NEB: variants seen among roughly 807,000 people sequenced by gnomAD.
NEB encodes nemaline myopathy type 2.
In NEB, 512 loss-of-function variants were observed where a neutral mutation model predicts 952.2. That is an observed-to-expected ratio of 0.54 (90% CI 0.50 to 0.58). NEB has a LOEUF of 0.58. NEB is among the 20% of genes least tolerant of loss of function. NEB has a pLI of 0.00. For synonymous variants in NEB, 2,900 were observed against 3,149.8 expected (o/e 0.92, Z 2.66); for missense variants, 8,428 against 9,231.1 (o/e 0.91, Z 3.56).
At chr2:151,635,089 T>C (rs945292410) in intron 64 of NEB, among the ~76,000 whole-genome samples, 1 of 152,320 alleles carries the variant, frequency 6.6e-6, no homozygotes, top group Middle Eastern at 3.4e-3. Flanking sequence ...TTGAGGCAAG[T>C]TGCTTAAACA....
At chr2:151,525,027 A>G (rs1559532628) in intron 151 of NEB, 136 bp downstream of exon 151, 1 of 726,066 alleles carries the variant, frequency 1.4e-6, no homozygotes, top group African/African-American at 1.8e-5. Flanking sequence ...CTTAAACCCA[A>G]ACCAATTCTC....
chr2:151,627,209 GAGA>G lies in NEB; in HGVS notation c.10144-7_10144-5del, dbSNP rs2154058615. Reference sequence around the variant, plus strand: ...GGAGATCAGATTTGTAAATGTTCTGGAGAGATTAAACACAAAAGCGAGTATTAC... The same window carrying G: ...GGAGATCAGATTTGTAAATGTTCTGGGATTAAACACAAAAGCGAGTATTAC... On this transcript the variant is annotated splice_region_variant and splice_polypyrimidine_tract_variant and intron_variant, in intron 69 of 181. Coordinates refer to ENST00000397345, the MANE Select transcript of NEB (RefSeq NM_001164508.2). 1.9e-6 allele frequency: 3 copies of G among 1,611,388 alleles called. No individual in the cohort carries two copies. Among genetic ancestry groups the G allele is most frequent in the Non-Finnish European group, 2.5e-6 (3 of 1,177,926 alleles).
intron 36 of NEB, among the ~76,000 whole-genome samples, chr2:151,674,201 T>C (rs771925249): frequency 2.0e-5 from 3 of 152,184 alleles, no homozygotes; most frequent in African/African-American, 7.2e-5. Context: ...TGAAAATAAA[T>C]GTGGGCTGTC....
At chr2:151,557,539 A>G (rs929684773) in intron 124 of NEB, among the ~76,000 whole-genome samples, 1 of 152,198 alleles carries the variant, frequency 6.6e-6, no homozygotes. Context: ...TCATCCTGAT[A>G]CCAAAGCCGG....
rs562779765 is a variant in NEB, at chr2:151,576,656, C to T, written c.16705-302G>A. Among the ~76,000 whole-genome samples, 8 of 149,320 alleles carry T rather than the reference C, an allele frequency of 5.4e-5. No individual in the cohort carries two copies. In the East Asian group the frequency reaches 1.4e-3, roughly 26 times the overall value. On this transcript the variant is annotated intron_variant, in intron 105 of 181. Coordinates refer to ENST00000397345, the MANE Select transcript of NEB (RefSeq NM_001164508.2). ...AAGCAATTCTCCTGCCTCAGCCTCC[C>T]GAGTAGTTGAGACTACAGGCACGTG... is the stretch of plus-strand genomic sequence containing the variant.
Position 151,636,253 on chromosome 2 carries a change from T to C in NEB, c.9076A>G (p.Lys3026Glu), listed in dbSNP as rs2098761281. 1.2e-6 allele frequency: 2 copies of C among 1,610,014 alleles called. No individual in the cohort carries two copies. The highest frequency in any genetic ancestry group is 2.2e-5 in the South Asian group (2 of 91,078). Residue 3026 changes from lysine to glutamate, a missense_variant, in exon 64 of 182, where the codon AAG becomes GAG. This residue lies in a region of NEB where 1,772 missense variants were observed against 1,960.3 expected (regional missense o/e 0.90). Coordinates refer to ENST00000397345, the MANE Select transcript of NEB (RefSeq NM_001164508.2). ...TCACTGATGATGTCCCTGGAGGCCT[T>C]GGCCGCCACGATGGGGATGGCGTCG... is the stretch of plus-strand genomic sequence containing the variant. Reference protein sequence around the residue: ...RSDAIPIVAAKASRDIISDYK... With the variant: ...RSDAIPIVAAEASRDIISDYK...
Position 151,552,738 on chromosome 2 carries a change from G to A in NEB, c.19770C>T (p.Asp6590=). ...CTGGTGTATCTGTGACAAGCTTGTA[G>A]TCATTCCTTGTTTTCAACATGTGAG... The part of the protein sequence containing the change: ...YKAHMLKTRN[D]YKLVTDTPVY... The change falls in exon 128 of 182, where the codon GAC becomes GAT. Residue 6590 remains aspartate (D), a synonymous_variant. Transcript: ENST00000397345. 6.2e-7 allele frequency: 1 copy of A among 1,613,334 alleles called. No homozygotes were observed. Among genetic ancestry groups the A allele is most frequent in the Non-Finnish European group, 8.5e-7 (1 of 1,179,540 alleles).
chr2:151,516,626 G>A (rs1333919353), intron 156 of NEB, 63 bp from the exon 157 acceptor site: 3 of 1,099,668 alleles, frequency 2.7e-6, no homozygotes, highest in East Asian at 2.5e-5. Flanking sequence ...GCAGTTTAAG[G>A]ATAGTATTTT....
Position 151,688,364 on chromosome 2 carries a change from C to G in NEB, c.2343G>C (p.Lys781Asn). 1 of 1,613,864 alleles carries G rather than the reference C, an allele frequency of 6.2e-7. No homozygotes were observed. The highest frequency in any genetic ancestry group is 8.5e-7 in the Non-Finnish European group (1 of 1,179,812). The change falls in exon 25 of 182, where the codon AAG becomes AAC. Residue 781 changes from lysine (K) to asparagine (N), a missense_variant. Lys to Asn is a moderately conservative substitution (Grantham distance 94). Coordinates refer to ENST00000397345, the MANE Select transcript of NEB (RefSeq NM_001164508.2). ...LNYKAKHEGE[K>N]FKCHIPADAP... Reference sequence around the variant, plus strand: ...CATCTGCTGGTATATGGCACTTGAACTTCTCACCTTCATGTTTTGCTTTGT... The same window carrying G: ...CATCTGCTGGTATATGGCACTTGAAGTTCTCACCTTCATGTTTTGCTTTGT...
Position 151,553,892 on chromosome 2 carries a change from C to T in NEB, c.19562G>A (p.Trp6521Ter). The change falls in exon 126 of 182, where the codon TGG becomes TAG. Residue 6521 changes from tryptophan to a stop codon, truncating the protein, a stop_gained. Transcript: ENST00000397345. LOFTEE classifies it high-confidence loss of function. ...EIDYRLRLHE[W>*]ICHPDLQVND... ...GACTTGCAAGTCGGGGTGGCAAATC[C>T]ATTCGTGGAGGCGCAGGCGGTAATC... is the stretch of plus-strand genomic sequence containing the variant. 6.2e-7 allele frequency: 1 copy of T among 1,613,834 alleles called. No homozygotes were observed. Among genetic ancestry groups the T allele is most frequent in the South Asian group, 1.1e-5 (1 of 91,064 alleles).
Position 151,695,592 on chromosome 2 carries a change from A to T in NEB, c.1660T>A (p.Tyr554Asn), listed in dbSNP as rs962107239. 1 of 1,613,180 alleles carries T rather than the reference A, an allele frequency of 6.2e-7. No homozygotes were observed. Among genetic ancestry groups the T allele is most frequent in the African/African-American group, 1.3e-5 (1 of 75,042 alleles). The stretch of plus-strand genomic sequence containing the variant: ...AAGGAACTTACATCACTCAAGTTAT[A>T]GGCATTGACTTTGTGCTGGATAAAA... Reference protein sequence around the residue: ...PAFIQHKVNAYNLSDNLYKQD... With the variant: ...PAFIQHKVNANNLSDNLYKQD... The change falls in exon 18 of 182, where the codon TAT (tyrosine) becomes AAT (asparagine). Residue 554 changes from tyrosine to asparagine, a missense_variant. Coordinates refer to ENST00000397345, the MANE Select transcript of NEB (RefSeq NM_001164508.2).
At chr2:151,638,074 T>C (rs2098796003) in intron 63 of NEB, among the ~76,000 whole-genome samples, 1 of 152,164 alleles carries the variant, frequency 6.6e-6, no homozygotes, top group African/African-American at 2.4e-5. Context: ...ACAGGCTCAG[T>C]CTAAGAAGAA....
At chr2:151,677,046 G>A (rs1181482516) in intron 34 of NEB, among the ~76,000 whole-genome samples, 1 of 152,180 alleles carries the variant, frequency 6.6e-6, no homozygotes, top group Non-Finnish European at 1.5e-5. Context: ...GCAGGCAAAC[G>A]ATACACACCT....
intron 143 of NEB, 44 bp from the exon 144 acceptor site, chr2:151,531,940 T>C (rs1379783456): frequency 1.5e-6 from 2 of 1,318,632 alleles, no homozygotes; most frequent in East Asian, 2.4e-5. Flanking sequence ...AGTTGTAGAG[T>C]GGGCTTTAAG....
chr2:151,714,756 T>G (rs1257151367), intron 10 of NEB, among the ~76,000 whole-genome samples: 1 of 152,118 alleles, frequency 6.6e-6, no homozygotes, highest in Non-Finnish European at 1.5e-5. Context: ...TACTTTAAGT[T>G]CTAGGGTAGA....
At chr2:151,717,638 T>G in intron 9 of NEB, 118 bp from the exon 10 acceptor site, 1 of 741,482 alleles carries the variant, frequency 1.3e-6, no homozygotes, top group Non-Finnish European at 2.3e-6. Flanking sequence ...ATACCATTGC[T>G]CTCAGTACTG....
intron 76 of NEB, among the ~76,000 whole-genome samples, chr2:151,615,253 T>C (rs2098153716): frequency 6.6e-6 from 1 of 152,220 alleles, no homozygotes; most frequent in African/African-American, 2.4e-5. Flanking sequence ...AACTTCTAAA[T>C]TGATTGAGAT....
chr2:151,609,623 T>C (rs1038106795), intron 81 of NEB, among the ~76,000 whole-genome samples, 186 bp downstream of exon 81: 1 of 152,258 alleles, frequency 6.6e-6, no homozygotes, highest in African/African-American at 2.4e-5. Flanking sequence ...GTCTGAAATA[T>C]GTTTTCATTG....
At chr2:151,564,001 T>C in intron 117 of NEB, 71 bp from the exon 118 acceptor site, 1 of 1,152,382 alleles carries the variant, frequency 8.7e-7, no homozygotes, top group East Asian at 2.6e-5. Context: ...AAACAATTGG[T>C]CTAATTAAGG....
Sources: gnomAD v4.1 joint callset for allele counts (sites outside exome capture counted in the v4.1 genomes callset) on GRCh38, gnomAD v4.1.1 for gene constraint, gnomAD v4.1.1 regional missense constraint, MANE v1.5 for transcripts, NCBI Gene and HGNC (gene_info 2026-07-23, HGNC 2026-07-21) for gene names.